Variants in BBS9 observed in about 807,000 individuals in gnomAD.
BBS9 encodes the protein Bardet-Biedl syndrome 9.
BBS9 carries 89 observed loss-of-function variants against 117.7 expected under a neutral mutation model. The ratio of observed to expected loss-of-function variants is 0.76; its 90% CI spans 0.64 to 0.90. BBS9 has a LOEUF of 0.90. Among genes scored for constraint, BBS9 ranks in the 40% least tolerant of loss-of-function variants. BBS9 has a pLI of 0.00. For synonymous variants in BBS9, 379 were observed against 370.9 expected (o/e 1.02, Z -0.25); for missense variants, 982 against 1,042.2 (o/e 0.94, Z 0.80).
intron 20 of BBS9, among the ~76,000 whole-genome samples, chr7:33,520,337 T>C (rs1848427199): frequency 6.6e-6 from 1 of 152,206 alleles, no homozygotes; most frequent in Admixed American, 6.5e-5. Context: ...CTTCTGTTGC[T>C]GTTGCTGCTA....
intron 7 of BBS9, among the ~76,000 whole-genome samples, chr7:33,268,016 G>A (rs557372439): frequency 6.6e-6 from 1 of 152,282 alleles, no homozygotes; most frequent in East Asian, 1.9e-4. Context: ...GACTTGTTAA[G>A]TGGGACCAGG....
At chr7:33,615,028 G>A (rs1865061607) in intron 21 of BBS9, among the ~76,000 whole-genome samples, 1 of 151,972 alleles carries the variant, frequency 6.6e-6, no homozygotes, top group African/African-American at 2.4e-5. Context: ...GAGCTAAGAA[G>A]GACTTGTGAA....
Position 33,288,479 on chromosome 7 carries a change from TGATGA to T in BBS9, c.1016+14524_1016+14528del, listed in dbSNP as rs1803348277. Among the ~76,000 whole-genome samples the T allele has an allele frequency of 3.3e-5, 5 of 152,338 alleles. 1 individual carries two copies. In the South Asian group the frequency reaches 1.0e-3, roughly 32 times the overall value. On this transcript the variant is annotated intron_variant, in intron 9 of 22. Transcript: ENST00000242067. ...TTCGTTAACGTTGAATAATGTAACA[TGATGA>T]ACTATGTTCTATTAATAATTAGCAC... is the stretch of plus-strand genomic sequence containing the variant.
At chr7:33,421,624 C>T (rs1209632554) in intron 19 of BBS9, among the ~76,000 whole-genome samples, 5 of 152,112 alleles carry the variant, frequency 3.3e-5, no homozygotes, top group Non-Finnish European at 1.5e-5. Context: ...ATACTCTTGT[C>T]TTTTCTTAGT....
intron 19 of BBS9, among the ~76,000 whole-genome samples, chr7:33,435,537 T>TA (rs1300248990): frequency 7.4e-5 from 3 of 40,504 alleles, no homozygotes; most frequent in African/African-American, 1.5e-4. Flanking sequence ...CTCTATTAAG[T>TA]ATGCAGCACT....
intron 5 of BBS9, among the ~76,000 whole-genome samples, chr7:33,216,804 A>G (rs7809235): frequency 0.11 from 17,180 of 152,240 alleles, 1,145 homozygotes; most frequent in African/African-American, 0.18. Context: ...CTTAAAAGAA[A>G]AAGTTAACCA....
chr7:33,558,684 C>A (rs1445215229), intron 21 of BBS9, among the ~76,000 whole-genome samples: 1 of 152,066 alleles, frequency 6.6e-6, no homozygotes, highest in Non-Finnish European at 1.5e-5. Context: ...AATGGCCAAC[C>A]TGCATTCATA....
Position 33,604,969 on chromosome 7 carries a change from A to C in BBS9, c.2626A>C (p.Arg876=). ...CAGACATCTCACTGCAGAGACACCC[A>C]GGCCTGGTAAGAGACTGGATGGCCT... The part of the protein sequence containing the change: ...NHRHLTAETP[R]PEVSPLQGVS... Residue 876 remains arginine, a synonymous_variant, in exon 22 of 23, where the codon AGG becomes CGG. Transcript: ENST00000242067. The C allele has an allele frequency of 6.2e-7, 1 of 1,606,880 alleles. No homozygotes were observed. The highest frequency in any genetic ancestry group is 1.7e-5 in the Admixed American group (1 of 59,966).
intron 19 of BBS9, among the ~76,000 whole-genome samples, chr7:33,441,605 T>C (rs1293208788): frequency 6.6e-6 from 1 of 152,204 alleles, no homozygotes; most frequent in Non-Finnish European, 1.5e-5. Flanking sequence ...ACATGAAGCT[T>C]GAAAACCCAC....
At chr7:33,152,101 T>C (rs1186254493) in intron 2 of BBS9, among the ~76,000 whole-genome samples, 1 of 152,238 alleles carries the variant, frequency 6.6e-6, no homozygotes. Context: ...TCTAATTAAC[T>C]GGACCTCATT....
At chr7:33,239,418 T>C (rs1015573968) in intron 5 of BBS9, among the ~76,000 whole-genome samples, 21 of 146,470 alleles carry the variant, frequency 1.4e-4, no homozygotes, top group African/African-American at 5.2e-4. Flanking sequence ...TCTTTTTAAC[T>C]TTTTTTTTTT....
chr7:33,382,712 G>A (rs1189665644), intron 17 of BBS9, among the ~76,000 whole-genome samples: 2 of 152,120 alleles, frequency 1.3e-5, no homozygotes, highest in Non-Finnish European at 2.9e-5. Context: ...GGGTTTAAAT[G>A]AGAAAGTGAA....
chr7:33,423,993 G>C (rs552256311), intron 19 of BBS9, among the ~76,000 whole-genome samples: 1 of 152,132 alleles, frequency 6.6e-6, no homozygotes, highest in African/African-American at 2.4e-5. Flanking sequence ...CACTTTTTGA[G>C]TTTTCAGCTA....
chr7:33,631,747 G>A (rs1373473751), intron 21 of BBS9, among the ~76,000 whole-genome samples: 1 of 152,184 alleles, frequency 6.6e-6, no homozygotes, highest in East Asian at 1.9e-4. Flanking sequence ...AACACTGGAT[G>A]TGTGGTGGAA....
chr7:33,601,722 G>A (rs1863826638), intron 21 of BBS9, among the ~76,000 whole-genome samples: 1 of 152,060 alleles, frequency 6.6e-6, no homozygotes, highest in Admixed American at 6.5e-5. Flanking sequence ...TTGCCCATTA[G>A]CCCATGAGCT....
chr7:33,335,946 A>T (rs1172559649), intron 9 of BBS9, among the ~76,000 whole-genome samples: 1 of 151,778 alleles, frequency 6.6e-6, no homozygotes, highest in African/African-American at 2.4e-5. Flanking sequence ...TTTTCGCAAG[A>T]CCTCCGATGG....
intron 21 of BBS9, among the ~76,000 whole-genome samples, chr7:33,544,452 T>C (rs971748333): frequency 6.6e-6 from 1 of 152,194 alleles, no homozygotes; most frequent in African/African-American, 2.4e-5. Flanking sequence ...CTATAGTGAT[T>C]GTTGTTTCTC....
chr7:33,364,369 C>T (rs1821243677), intron 16 of BBS9, among the ~76,000 whole-genome samples: 1 of 151,994 alleles, frequency 6.6e-6, no homozygotes, highest in African/African-American at 2.4e-5. Flanking sequence ...ATTTTTACTC[C>T]ATCCCCCCAC....
intron 21 of BBS9, among the ~76,000 whole-genome samples, chr7:33,587,379 G>T (rs1376834171): frequency 6.6e-6 from 1 of 152,048 alleles, no homozygotes; most frequent in Non-Finnish European, 1.5e-5. Context: ...TAACCAGAGA[G>T]AGCTCTCTCT....
Sources: gnomAD v4.1 joint callset for allele counts (sites outside exome capture counted in the v4.1 genomes callset) on GRCh38, gnomAD v4.1.1 for gene constraint, MANE v1.5 for transcripts, NCBI Gene and HGNC (gene_info 2026-07-23, HGNC 2026-07-21) for gene names.